PCSK5: variants seen among roughly 807,000 people sequenced by gnomAD.
PCSK5 encodes the protein prohormone convertase 5.
A neutral mutation model predicts 233.2 loss-of-function variants in PCSK5; 129 were observed. The ratio of observed to expected loss-of-function variants is 0.55; its 90% CI spans 0.48 to 0.64. The LOEUF is 0.64. Among genes scored for constraint, PCSK5 ranks in the 30% least tolerant of loss-of-function variants. The pLI is 0.00. For synonymous variants in PCSK5, 825 were observed against 879.2 expected (o/e 0.94, Z 1.09); for missense variants, 2,076 against 2,430.1 (o/e 0.85, Z 3.06).
At chr9:76,175,769 T>TA (rs528405436) in intron 14 of PCSK5, among the ~76,000 whole-genome samples, 5 of 151,912 alleles carry the variant, frequency 3.3e-5, no homozygotes, top group East Asian at 1.9e-4. Flanking sequence ...GAAAAAAAAG[T>TA]AAAAAAAAGA....
intron 20 of PCSK5, among the ~76,000 whole-genome samples, chr9:76,202,056 AAAGT>A (rs1267879019): frequency 6.6e-6 from 1 of 152,184 alleles, no homozygotes; most frequent in Non-Finnish European, 1.5e-5. Context: ...AACTATGAAA[AAAGT>A]AAGGCTTTTT....
Position 76,292,192 on chromosome 9 carries a change from A to G in PCSK5, c.3143-41A>G, listed in dbSNP as rs145798047. 743 of 1,191,950 alleles carry G rather than the reference A, an allele frequency of 6.2e-4. 11 individuals are homozygous for G. In the East Asian group the frequency reaches 0.017, roughly 27 times the overall value. The allele number at this position is 1,191,950 out of a possible 1,614,324, so 73.8% of individuals were successfully genotyped here. A position where few individuals can be genotyped will look rare whatever the true frequency, so the allele number is the denominator to read the frequency against. ...CAGACCCTATTTTTCCAAATGACGA[A>G]TTCCTCATGATTATTACTTTTTATT... On this transcript the variant is annotated intron_variant, in intron 24 of 37. Coordinates refer to ENST00000674117, the MANE Select transcript of PCSK5 (RefSeq NM_001372043.1).
intron 2 of PCSK5, among the ~76,000 whole-genome samples, chr9:75,949,806 G>A (rs923079822): frequency 1.3e-5 from 2 of 152,192 alleles, no homozygotes; most frequent in Admixed American, 1.3e-4. Flanking sequence ...TTACAGGCAT[G>A]AGCCACCGCG....
chr9:75,996,901 A>T (rs928635521), intron 3 of PCSK5, among the ~76,000 whole-genome samples: 1 of 150,384 alleles, frequency 6.6e-6, no homozygotes, highest in Admixed American at 6.6e-5. Context: ...GATAGGATTG[A>T]CCCTTGACCT....
At chr9:76,289,195 C>T (rs1174695014) in intron 24 of PCSK5, among the ~76,000 whole-genome samples, 2 of 152,090 alleles carry the variant, frequency 1.3e-5, no homozygotes, top group Admixed American at 6.5e-5. Flanking sequence ...ACGGCATCCC[C>T]GTCCTGACGA....
chr9:76,271,450 C>T (rs1032460391), intron 24 of PCSK5, among the ~76,000 whole-genome samples: 1 of 152,104 alleles, frequency 6.6e-6, no homozygotes, highest in African/African-American at 2.4e-5. Context: ...AGCTCTCTTT[C>T]GAATATTTTA....
chr9:76,146,607 T>C (rs1157811284), intron 10 of PCSK5, among the ~76,000 whole-genome samples: 3 of 151,834 alleles, frequency 2.0e-5, no homozygotes, highest in Non-Finnish European at 2.9e-5. Flanking sequence ...GAGCAGTACT[T>C]TGTGTGGTTG....
intron 24 of PCSK5, among the ~76,000 whole-genome samples, chr9:76,277,861 T>A (rs1195019487): frequency 6.6e-6 from 1 of 152,230 alleles, no homozygotes; most frequent in African/African-American, 2.4e-5. Flanking sequence ...TTGCACTCTT[T>A]GGGAATATAA....
At chr9:75,898,595 G>T (rs1825902878) in intron 1 of PCSK5, among the ~76,000 whole-genome samples, 1 of 151,354 alleles carries the variant, frequency 6.6e-6, no homozygotes, top group South Asian at 2.1e-4. Flanking sequence ...CACCAGTTGG[G>T]TAGGGACAGT....
chr9:76,031,057 C>T (rs1828634622), intron 5 of PCSK5, among the ~76,000 whole-genome samples: 1 of 152,090 alleles, frequency 6.6e-6, no homozygotes, highest in Non-Finnish European at 1.5e-5. Context: ...TCAGCAGTGC[C>T]GAGGGTATAG....
intron 5 of PCSK5, among the ~76,000 whole-genome samples, chr9:76,066,006 A>G (rs191132674): frequency 1.6e-4 from 25 of 152,150 alleles, no homozygotes; most frequent in African/African-American, 5.8e-4. Flanking sequence ...TCTGTTGGTC[A>G]GTGTGTCTGT....
intron 20 of PCSK5, among the ~76,000 whole-genome samples, chr9:76,192,171 G>C (rs1423692271): frequency 6.6e-6 from 1 of 151,608 alleles, no homozygotes; most frequent in Non-Finnish European, 1.5e-5. Flanking sequence ...TTCAAGAGTT[G>C]TAATGCTTTA....
At chr9:76,045,024 T>C (rs546076523) in intron 5 of PCSK5, among the ~76,000 whole-genome samples, 1 of 152,344 alleles carries the variant, frequency 6.6e-6, no homozygotes, top group African/African-American at 2.4e-5. Flanking sequence ...AAAATCACCA[T>C]GTTTCTTTCC....
At chr9:75,940,719 C>T (rs958380838) in intron 2 of PCSK5, among the ~76,000 whole-genome samples, 3 of 152,314 alleles carry the variant, frequency 2.0e-5, no homozygotes, top group Non-Finnish European at 4.4e-5. Context: ...TGCGCATCTA[C>T]TCCTTATCAG....
At chr9:75,975,312 A>G (rs1242188512) in intron 2 of PCSK5, among the ~76,000 whole-genome samples, 1 of 152,190 alleles carries the variant, frequency 6.6e-6, no homozygotes, top group East Asian at 1.9e-4. Flanking sequence ...TGAATTAGTC[A>G]CAAGGGAAGA....
chr9:76,203,511 TAGAG>T (rs1001242664), intron 20 of PCSK5, among the ~76,000 whole-genome samples: 2 of 151,520 alleles, frequency 1.3e-5, no homozygotes, highest in Admixed American at 1.3e-4. Flanking sequence ...AAGGGGAAGT[TAGAG>T]AGATTCAAAG....
At chr9:76,251,894 T>A (rs1826818998) in intron 24 of PCSK5, among the ~76,000 whole-genome samples, 1 of 152,060 alleles carries the variant, frequency 6.6e-6, no homozygotes, top group Non-Finnish European at 1.5e-5. Flanking sequence ...CTCATGTATT[T>A]TATTACATTC....
chr9:76,336,268 G>A (rs1829675630), intron 34 of PCSK5, among the ~76,000 whole-genome samples: 1 of 152,134 alleles, frequency 6.6e-6, no homozygotes, highest in Non-Finnish European at 1.5e-5. Context: ...CATAACCTAG[G>A]CATGGTGTGA....
chr9:76,265,370 G>A (rs1311223232), intron 24 of PCSK5, among the ~76,000 whole-genome samples: 1 of 151,614 alleles, frequency 6.6e-6, no homozygotes, highest in East Asian at 1.9e-4. Context: ...TAACAAATCT[G>A]CACATATACC....
Sources: gnomAD v4.1 joint callset for allele counts (sites outside exome capture counted in the v4.1 genomes callset) on GRCh38, gnomAD v4.1.1 for gene constraint, MANE v1.5 for transcripts, NCBI Gene and HGNC (gene_info 2026-07-23, HGNC 2026-07-21) for gene names.